Variants in MAST4 observed in about 807,000 individuals in gnomAD.
The protein encoded by MAST4 is microtubule-associated serine/threonine-protein kinase 4.
Under a neutral mutation model 162.7 loss-of-function variants are expected in MAST4, and 89 were observed. The ratio of observed to expected loss-of-function variants is 0.55; its 90% CI spans 0.46 to 0.65. MAST4 has a LOEUF of 0.65. Ranked by LOEUF, MAST4 falls within the 30% of genes least tolerant of loss-of-function variation. The pLI is 0.00. For synonymous variants in MAST4, 1,479 were observed against 1,361.1 expected, an observed-to-expected ratio of 1.09 and a Z score of -1.91; for missense variants, 3,153 against 3,374.0, an observed-to-expected ratio of 0.93 and a Z score of 1.62.
In MAST4 at chr5:67,144,651, C is replaced by G. The variant is rs191743658; in HGVS notation, c.2731-18C>G. The G allele has an allele frequency of 5.6e-6, 9 of 1,611,016 alleles. No individual in the cohort carries two copies. The East Asian group carries it at 2.0e-4, about 36-fold the overall frequency. On this transcript the variant is annotated intron_variant, in intron 21 of 28. Transcript: ENST00000403625. ...CTTTTTAGTAGATATTAATAAGCAC[C>G]AATTATTTGCCTTCCAGGTTTTCAG...
chr5:66,710,476 A>G (rs73765317), intron 1 of MAST4, among the ~76,000 whole-genome samples: 7,324 of 152,134 alleles, frequency 0.048, 538 homozygotes, highest in African/African-American at 0.14. Context: ...TTTCTTCCTT[A>G]GATGTGGGTC....
At chr5:67,096,683 T>C (rs899445528) in intron 7 of MAST4, among the ~76,000 whole-genome samples, 1 of 152,184 alleles carries the variant, frequency 6.6e-6, no homozygotes, top group African/African-American at 2.4e-5. Context: ...TATAATAATA[T>C]AACGTAGATT....
chr5:67,033,413 AGC>A (rs1755626135), intron 4 of MAST4, among the ~76,000 whole-genome samples: 1 of 151,046 alleles, frequency 6.6e-6, no homozygotes, highest in Non-Finnish European at 1.5e-5. Flanking sequence ...CAAAAAAAAA[AGC>A]AGTCAAGCTG....
intron 4 of MAST4, among the ~76,000 whole-genome samples, chr5:67,024,877 G>A (rs754586175): frequency 2.0e-5 from 3 of 151,720 alleles, no homozygotes; most frequent in Non-Finnish European, 2.9e-5. Context: ...ATGAAACAGC[G>A]TAATGAGATG....
chr5:66,646,376 C>G (rs1157949375), intron 1 of MAST4, among the ~76,000 whole-genome samples: 1 of 152,086 alleles, frequency 6.6e-6, no homozygotes, highest in Non-Finnish European at 1.5e-5. Flanking sequence ...TATCTTAAAT[C>G]CCAATTATAG....
intron 5 of MAST4, among the ~76,000 whole-genome samples, chr5:67,062,599 T>C (rs1012027521): frequency 6.6e-6 from 1 of 152,162 alleles, no homozygotes; most frequent in Non-Finnish European, 1.5e-5. Flanking sequence ...TGCATAGACA[T>C]GATAGTACAA....
At chr5:66,974,983 T>G (rs1362619164) in intron 4 of MAST4, among the ~76,000 whole-genome samples, 1 of 152,160 alleles carries the variant, frequency 6.6e-6, no homozygotes, top group Non-Finnish European at 1.5e-5. Context: ...CTGTAAACAT[T>G]ACCTTACTTA....
At position 66,739,296 on chromosome 5, in the gene MAST4, C is replaced by T. The variant is rs180772235; in HGVS notation, c.364-20413C>T. On this transcript the variant is annotated intron_variant, in intron 1 of 28. Coordinates refer to ENST00000403625, the MANE Select transcript of MAST4 (RefSeq NM_001164664.2). Reference sequence around the variant, plus strand: ...CTTAGAGGACACCCAGTTGTTTAGTCGCATCTTTCTTCGGTTGTGGGGGCA... The same window carrying T: ...CTTAGAGGACACCCAGTTGTTTAGTTGCATCTTTCTTCGGTTGTGGGGGCA... 1.1e-4 allele frequency among the ~76,000 whole-genome samples: 17 copies of T among 152,198 alleles called. No individual in the cohort carries two copies. In the South Asian group the frequency reaches 2.3e-3, roughly 20 times the overall value.
At chr5:66,675,186 C>T (rs1229856866) in intron 1 of MAST4, among the ~76,000 whole-genome samples, 1 of 152,220 alleles carries the variant, frequency 6.6e-6, no homozygotes, top group African/African-American at 2.4e-5. Flanking sequence ...CTCTAGCTGC[C>T]TGTGTTCTGT....
At chr5:66,664,143 C>G (rs987107732) in intron 1 of MAST4, among the ~76,000 whole-genome samples, 2 of 151,966 alleles carry the variant, frequency 1.3e-5, no homozygotes, top group African/African-American at 4.8e-5. Context: ...TGCTGAAAAT[C>G]AGGAGTTTGA....
intron 26 of MAST4, 65 bp from the exon 27 acceptor site, chr5:67,160,391 C>A: frequency 7.0e-7 from 1 of 1,434,404 alleles, no homozygotes; most frequent in Non-Finnish European, 9.3e-7. Flanking sequence ...ATGAATCTCT[C>A]ATCTCTGTTC....
In MAST4 at chr5:66,698,059, A is replaced by G. The variant is rs571037386; in HGVS notation, c.364-61650A>G. On this transcript the variant is annotated intron_variant, in intron 1 of 28. Transcript: ENST00000403625. The stretch of plus-strand genomic sequence containing the variant: ...TGGGAACCTCTGCTTCAGTGGCTCT[A>G]CCTGTTTCGCTATCCACCACCCATC... 6.0e-5 allele frequency among the ~76,000 whole-genome samples: 9 copies of G among 151,146 alleles called. No homozygotes were observed. In the South Asian group the frequency reaches 1.7e-3, roughly 28 times the overall value.
At chr5:66,864,202 G>A (rs1312204059) in intron 3 of MAST4, among the ~76,000 whole-genome samples, 1 of 91,416 alleles carries the variant, frequency 1.1e-5, no homozygotes, top group African/African-American at 3.1e-5. Context: ...ATGTTATAAT[G>A]TAAAGATGGG....
chr5:66,624,388 C>T (rs1252925076), intron 1 of MAST4, among the ~76,000 whole-genome samples: 2 of 151,864 alleles, frequency 1.3e-5, no homozygotes, highest in African/African-American at 4.8e-5. Flanking sequence ...CTCCTGACCT[C>T]GTGATCTGCC....
In MAST4 at chr5:67,160,486, C is replaced by T. The variant is rs779238617; in HGVS notation, c.3679C>T (p.Pro1227Ser). Residue 1227 changes from proline (P) to serine (S), a missense_variant, in exon 27 of 29, where the codon CCA (proline) becomes TCA (serine). Physicochemically the swap from Pro to Ser is moderately conservative, Grantham distance 74. Around this residue, in one of 7 missense-constraint regions of MAST4, gnomAD observed 619 missense variants for 744.2 expected, o/e 0.83. Transcript: ENST00000403625. ...SGNKVSITTT[P>S]FENTSIKTGP... is the part of the protein sequence containing the mutation. ...GAATAAGGTGTCAATCACTACTACC[C>T]CATTTGAAAACACATCAATCAAAAC... 1.4e-5 allele frequency: 22 copies of T among 1,613,832 alleles called. No homozygotes were observed. Among genetic ancestry groups the T allele is most frequent in the Non-Finnish European group, 1.8e-5 (21 of 1,179,816 alleles).
chr5:66,959,439 A>C (rs1038280615), intron 4 of MAST4: 3 of 682,040 alleles, frequency 4.4e-6, no homozygotes, highest in African/African-American at 1.8e-5. Flanking sequence ...AATGCATGGC[A>C]TTTGGTTTCA....
chr5:66,666,981 G>A (rs551392708), intron 1 of MAST4, among the ~76,000 whole-genome samples: 1 of 150,514 alleles, frequency 6.6e-6, no homozygotes, highest in Non-Finnish European at 1.5e-5. Flanking sequence ...GCCAGAAAGA[G>A]GCGGCCTCTA....
chr5:66,914,671 C>T (rs917081452), intron 4 of MAST4, among the ~76,000 whole-genome samples: 3 of 152,112 alleles, frequency 2.0e-5, no homozygotes, highest in African/African-American at 7.2e-5. Flanking sequence ...GCTACATTGC[C>T]TGAGTCTGAT....
intron 1 of MAST4, among the ~76,000 whole-genome samples, chr5:66,738,710 A>G (rs1037505591): frequency 6.6e-6 from 1 of 152,196 alleles, no homozygotes; most frequent in Non-Finnish European, 1.5e-5. Flanking sequence ...CCCGGTTGAA[A>G]GTGCTCCGAC....
Sources: gnomAD v4.1 joint callset for allele counts (sites outside exome capture counted in the v4.1 genomes callset) on GRCh38, gnomAD v4.1.1 for gene constraint, gnomAD v4.1.1 regional missense constraint, MANE v1.5 for transcripts, NCBI Gene and HGNC (gene_info 2026-07-23, HGNC 2026-07-21) for gene names.